NMBR: variants seen among roughly 807,000 people sequenced by gnomAD.
NMBR encodes neuromedin B receptor.
Under a neutral mutation model 20.5 loss-of-function variants are expected in NMBR, and 16 were observed. The ratio of observed to expected loss-of-function variants is 0.78; its 90% CI spans 0.53 to 1.19. The LOEUF (loss-of-function observed/expected upper bound fraction) is 1.19. Ranked by LOEUF, NMBR falls within the 50% of genes most tolerant of loss-of-function variation. The probability of loss-of-function intolerance (pLI) is 0.00; values close to 1 mark genes in which losing one functional copy is unlikely to be tolerated. For missense variants in NMBR, 582 were observed against 499.1 expected, an observed-to-expected ratio of 1.17 and a Z score of -1.58; for synonymous variants, 212 against 196.6, an observed-to-expected ratio of 1.08 and a Z score of -0.65.
Position 142,134,085 on chromosome 6 carries a change from T to C in NMBR, c.-664+12959A>G, listed in dbSNP as rs1287501728. The C allele has an allele frequency of 1.3e-5, 7 of 555,988 alleles. No individual in the cohort carries two copies. In the South Asian group the frequency reaches 1.5e-4, roughly 12 times the overall value. The allele number at this position is 555,988 out of a possible 1,614,324, so 34.4% of individuals were successfully genotyped here. The stretch of plus-strand genomic sequence containing the variant: ...TTAACTCTACAACAAACTCATTTTC[T>C]CTTTAAATGTAAAATAATGTCATAA... On this transcript the variant is annotated intron_variant, in intron 1 of 3. Transcript: ENST00000258042.
intron 1 of NMBR, among the ~76,000 whole-genome samples, chr6:142,105,142 G>C (rs538760799): frequency 7.2e-5 from 11 of 152,110 alleles, no homozygotes; most frequent in Admixed American, 3.9e-4. Context: ...TCGAAAGGGC[G>C]GGGAGGGGGT....
intron 2 of NMBR, among the ~76,000 whole-genome samples, chr6:142,081,711 G>A (rs1777100792): frequency 6.6e-6 from 1 of 152,186 alleles, no homozygotes; most frequent in Non-Finnish European, 1.5e-5. Context: ...AATTAATGTG[G>A]ACATGTTTTA....
intron 1 of NMBR, among the ~76,000 whole-genome samples, chr6:142,139,649 T>G (rs537127892): frequency 6.6e-6 from 1 of 152,190 alleles, no homozygotes; most frequent in Non-Finnish European, 1.5e-5. Flanking sequence ...TCTACTTCTT[T>G]GAACTAAACA....
chr6:142,116,409 G>A (rs1418131819), intron 1 of NMBR, among the ~76,000 whole-genome samples: 1 of 151,942 alleles, frequency 6.6e-6, no homozygotes, highest in Non-Finnish European at 1.5e-5. Context: ...GACACAAATA[G>A]AGGCCCTCAA....
chr6:142,115,568 G>C (rs925648857), intron 1 of NMBR, among the ~76,000 whole-genome samples: 2 of 151,926 alleles, frequency 1.3e-5, no homozygotes, highest in Middle Eastern at 3.2e-3. Flanking sequence ...AGATATTTTT[G>C]AGCAGGTAAT....
intron 1 of NMBR, among the ~76,000 whole-genome samples, chr6:142,099,810 G>A (rs774031861): frequency 2.6e-4 from 40 of 152,046 alleles, no homozygotes; most frequent in Non-Finnish European, 5.9e-5. Context: ...CAAGTATCAC[G>A]TAGAACTCTT....
intron 1 of NMBR, among the ~76,000 whole-genome samples, chr6:142,107,955 T>C (rs1273105202): frequency 6.6e-6 from 1 of 151,924 alleles, no homozygotes; most frequent in East Asian, 1.9e-4. Context: ...TTTACTAGAG[T>C]GCTCAGCAGT....
chr6:142,138,108 T>C (rs1778295326), intron 1 of NMBR, among the ~76,000 whole-genome samples: 2 of 152,184 alleles, frequency 1.3e-5, no homozygotes, highest in South Asian at 4.1e-4. Flanking sequence ...GAGACAATTT[T>C]ATATTGATTT....
chr6:142,123,493 A>G (rs1777980750), intron 1 of NMBR, among the ~76,000 whole-genome samples: 2 of 151,960 alleles, frequency 1.3e-5, no homozygotes, highest in Non-Finnish European at 2.9e-5. Flanking sequence ...AAGAAGTTCT[A>G]TTGTGGGTAA....
chr6:142,145,035 A>AG lies in NMBR; in HGVS notation c.-664+2008_-664+2009insC, dbSNP rs1384252913. 7.9e-5 allele frequency among the ~76,000 whole-genome samples: 12 copies of AG among 151,454 alleles called. No homozygotes were observed. In the East Asian group the frequency reaches 1.5e-3, roughly 20 times the overall value. ...AGAACCTGTCTAAAAAAAAAAAAAA[A>AG]AAAAGAAAGAAAAAAAGAAGGAAGG... is the stretch of plus-strand genomic sequence containing the variant. On this transcript the variant is annotated intron_variant, in intron 1 of 3. Transcript: ENST00000258042.
chr6:142,097,506 T>C (rs1337926545), intron 1 of NMBR, among the ~76,000 whole-genome samples: 1 of 152,160 alleles, frequency 6.6e-6, no homozygotes, highest in Non-Finnish European at 1.5e-5. Context: ...CAAATCATTG[T>C]AAGTGAAAAT....
At chr6:142,105,886 T>C (rs1777654263) in intron 1 of NMBR, among the ~76,000 whole-genome samples, 1 of 152,174 alleles carries the variant, frequency 6.6e-6, no homozygotes, top group Non-Finnish European at 1.5e-5. Context: ...TTCTATAGCA[T>C]TTAAAAGTAG....
chr6:142,134,653 A>G (rs978201121), intron 1 of NMBR: 35 of 695,752 alleles, frequency 5.0e-5, no homozygotes, highest in Middle Eastern at 2.3e-4. Context: ...TATAATTTAT[A>G]TACTCTCTGT....
At chr6:142,133,520 TAA>T (rs1778185046) in intron 1 of NMBR, among the ~76,000 whole-genome samples, 1 of 152,204 alleles carries the variant, frequency 6.6e-6, no homozygotes, top group Non-Finnish European at 1.5e-5. Flanking sequence ...ATTTTTTATC[TAA>T]TTTTCAAAAA....
At chr6:142,132,895 G>T (rs1439434201) in intron 1 of NMBR, among the ~76,000 whole-genome samples, 1 of 152,108 alleles carries the variant, frequency 6.6e-6, no homozygotes. Flanking sequence ...TGCTGACAGT[G>T]TAAGTCAAGG....
chr6:142,120,402 A>G (rs1313415312), intron 1 of NMBR, among the ~76,000 whole-genome samples: 1 of 151,868 alleles, frequency 6.6e-6, no homozygotes, highest in Non-Finnish European at 1.5e-5. Context: ...CCAGAGATCA[A>G]TGTTGGAGGA....
rs571995933 is a variant in NMBR, at chr6:142,076,965, G to C, written c.772-916C>G. Among the ~76,000 whole-genome samples the C allele has an allele frequency of 2.6e-5, 4 of 152,280 alleles. No homozygotes were observed. The East Asian group carries it at 7.7e-4, about 29-fold the overall frequency. ...ACATATCTGATGGTAGGTAGCAATA[G>C]AGTGGTAATGGAGGAAGCGAAGAAA... On this transcript the variant is annotated intron_variant, in intron 3 of 3. Transcript: ENST00000258042.
At chr6:142,098,141 C>T (rs1777495653) in intron 1 of NMBR, among the ~76,000 whole-genome samples, 3 of 151,994 alleles carry the variant, frequency 2.0e-5, no homozygotes, top group African/African-American at 4.8e-5. Flanking sequence ...AAAAAACAGC[C>T]CCAATTTTTT....
At chr6:142,097,469 CAT>C (rs1233238071) in intron 1 of NMBR, among the ~76,000 whole-genome samples, 1 of 152,012 alleles carries the variant, frequency 6.6e-6, no homozygotes, top group Non-Finnish European at 1.5e-5. Flanking sequence ...ACAAATCCAT[CAT>C]AAATAAAGTC....
Sources: allele counts gnomAD v4.1 joint callset (sites outside exome capture counted in the v4.1 genomes callset), GRCh38; gene constraint gnomAD v4.1.1; transcripts MANE v1.5; gene names NCBI Gene and HGNC (gene_info 2026-07-23, HGNC 2026-07-21).